WDR12: variants seen among roughly 807,000 people sequenced by gnomAD.
WDR12 encodes the protein ribosome biogenesis protein WDR12.
WDR12 carries 42 observed loss-of-function variants against 64.3 expected under a neutral mutation model. The observed-to-expected ratio is 0.65, with a 90% confidence interval of 0.51 to 0.84. The LOEUF (loss-of-function observed/expected upper bound fraction) is 0.84, where lower values mean the gene tolerates loss of function less well. Ranked by LOEUF, WDR12 falls within the 40% of genes least tolerant of loss-of-function variation. The probability of loss-of-function intolerance (pLI) is 0.00; values close to 1 mark genes in which losing one functional copy is unlikely to be tolerated. For synonymous variants in WDR12, 158 were observed against 173.3 expected (o/e 0.91, Z 0.70); for missense variants, 469 against 494.6 (o/e 0.95, Z 0.49).
chr2:202,906,993 G>C (rs187942739), intron 2 of WDR12, among the ~76,000 whole-genome samples: 2 of 150,386 alleles, frequency 1.3e-5, no homozygotes, highest in Admixed American at 1.3e-4. Context: ...CTATCACCCA[G>C]GCTGGAGTGC....
chr2:202,908,171 A>T (rs1047931438), intron 1 of WDR12, among the ~76,000 whole-genome samples: 36 of 152,366 alleles, frequency 2.4e-4, no homozygotes, highest in African/African-American at 8.4e-4. Flanking sequence ...ATATAAGAAC[A>T]ATGCCATTAG....
chr2:202,880,584 T>A lies in WDR12; in HGVS notation c.*276A>T, dbSNP rs1024871587. 1 of 181,682 alleles carries A rather than the reference T, an allele frequency of 5.5e-6. No individual in the cohort carries two copies. Among genetic ancestry groups the A allele is most frequent in the Non-Finnish European group, 1.1e-5 (1 of 88,156 alleles). 11.3% of individuals were successfully genotyped at this position (181,682 alleles called of 1,614,324 possible). A position where few individuals can be genotyped will look rare whatever the true frequency, so the allele number is the denominator to read the frequency against. Reference sequence around the variant, plus strand: ...AAACAAATAAAAATAAAAAAGCAAATCTGAATTCAAACCAATACCTTTAAA... The same window carrying A: ...AAACAAATAAAAATAAAAAAGCAAAACTGAATTCAAACCAATACCTTTAAA... On this transcript the variant is annotated 3_prime_UTR_variant, in exon 13 of 13. Transcript: ENST00000261015.
intron 7 of WDR12, 102 bp from the exon 8 acceptor site, chr2:202,892,804 C>A: frequency 1.3e-6 from 1 of 759,202 alleles, no homozygotes; most frequent in Non-Finnish European, 2.1e-6. Context: ...TCCACGTTAT[C>A]ACACAGTTAG....
At chr2:202,887,231 G>A (rs1688063767) in intron 8 of WDR12, among the ~76,000 whole-genome samples, 1 of 152,044 alleles carries the variant, frequency 6.6e-6, no homozygotes, top group Admixed American at 6.5e-5. Flanking sequence ...CACCATGTTG[G>A]TCAGGCTGGT....
chr2:202,887,837 G>A (rs112448027), intron 8 of WDR12, among the ~76,000 whole-genome samples: 3 of 146,860 alleles, frequency 2.0e-5, no homozygotes, highest in Admixed American at 1.4e-4. Flanking sequence ...GCAGTGAGCC[G>A]AGATTGCGCC....
intron 8 of WDR12, among the ~76,000 whole-genome samples, chr2:202,886,767 CAAAAAAAA>C (rs60735682): frequency 1.3e-5 from 1 of 79,058 alleles, no homozygotes; most frequent in African/African-American, 5.7e-5. Context: ...AACTCCATCT[CAAAAAAAA>C]AAAAAAAAAA....
At position 202,901,106 on chromosome 2, in the gene WDR12, A is replaced by G; in HGVS notation, c.150T>C (p.His50=). The G allele has an allele frequency of 1.9e-6, 3 of 1,594,000 alleles. No homozygotes were observed. Among genetic ancestry groups the G allele is most frequent in the Non-Finnish European group, 2.6e-6 (3 of 1,166,022 alleles). The change falls in exon 3 of 13, where the codon CAT becomes CAC. Residue 50 remains histidine (H), a synonymous_variant. Coordinates refer to ENST00000261015, the MANE Select transcript of WDR12 (RefSeq NM_018256.4). The stretch of plus-strand genomic sequence containing the variant: ...CCTTAATAAGGAAATCAAACTCCAC[A>G]TGTTTGTGGAACTCTGAGGAAAATA... ...LLKDKNEFHK[H]VEFDFLIKGQ...
Position 202,875,770 on chromosome 2 carries a change from CA to C in WDR12, c.*5089del, listed in dbSNP as rs1445660146. On this transcript the variant is annotated 3_prime_UTR_variant, in exon 13 of 13. Coordinates refer to ENST00000261015, the MANE Select transcript of WDR12 (RefSeq NM_018256.4). ...ATAAAAACATCATTCTTGTGCACGA[CA>C]TAAGATTGACAAAATATATACCAGT... 3 of 152,170 alleles carry C rather than the reference CA, an allele frequency of 2.0e-5. No homozygotes were observed. Among genetic ancestry groups the C allele is most frequent in the Non-Finnish European group, 2.9e-5 (2 of 68,038 alleles). The allele number at this position is 152,170 out of a possible 1,614,324, so 9.4% of individuals were successfully genotyped here. A position where few individuals can be genotyped will look rare whatever the true frequency, so the allele number is the denominator to read the frequency against.
At position 202,876,971 on chromosome 2, in the gene WDR12, A is replaced by T. The variant is rs995628551; in HGVS notation, c.*3889T>A. The T allele has an allele frequency of 6.6e-6, 1 of 152,166 alleles. No homozygotes were observed. The highest frequency in any genetic ancestry group is 2.4e-5 in the African/African-American group (1 of 41,442). The allele number at this position is 152,166 out of a possible 1,614,324, so 9.4% of individuals were successfully genotyped here. A position where few individuals can be genotyped will look rare whatever the true frequency, so the allele number is the denominator to read the frequency against. On this transcript the variant is annotated 3_prime_UTR_variant, in exon 13 of 13. Transcript: ENST00000261015. ...AATAAAAACTAGTATCTTTCAAAAA[A>T]TTTAATATTTTCCTTATATTTGTTA...
chr2:202,907,587 A>G (rs78156498), intron 2 of WDR12, among the ~76,000 whole-genome samples: 5,859 of 152,238 alleles, frequency 0.038, 364 homozygotes, highest in African/African-American at 0.13. Context: ...GATTACCTCT[A>G]TATTACAACT....
chr2:202,890,847 G>A (rs528990713), intron 8 of WDR12, among the ~76,000 whole-genome samples: 51 of 150,150 alleles, frequency 3.4e-4, no homozygotes, highest in Non-Finnish European at 6.4e-4. Flanking sequence ...AGAAAAAATT[G>A]GCAGAGCATG....
chr2:202,911,131 ACT>A (rs1406013321), intron 1 of WDR12, among the ~76,000 whole-genome samples: 3 of 152,164 alleles, frequency 2.0e-5, no homozygotes, highest in African/African-American at 7.2e-5. Flanking sequence ...ATTTTCAAAA[ACT>A]TTTTTTCCGT....
At chr2:202,910,454 CAG>C (rs1688559082) in intron 1 of WDR12, among the ~76,000 whole-genome samples, 1 of 152,042 alleles carries the variant, frequency 6.6e-6, no homozygotes, top group South Asian at 2.1e-4. Flanking sequence ...ACCCGGGAGA[CAG>C]AGGTTACAGT....
chr2:202,884,593 A>G (rs1688016053), intron 8 of WDR12, 58 bp from the exon 9 acceptor site: 3 of 1,525,358 alleles, frequency 2.0e-6, no homozygotes, highest in Admixed American at 2.2e-5. Flanking sequence ...AATTGAAACA[A>G]TAATAGTACT....
chr2:202,908,203 A>G (rs1688497623), intron 1 of WDR12, among the ~76,000 whole-genome samples: 1 of 152,216 alleles, frequency 6.6e-6, no homozygotes, highest in Non-Finnish European at 1.5e-5. Context: ...AAAAAGAACA[A>G]AGACACCATA....
In WDR12 at chr2:202,886,668, G is replaced by A. The variant is rs907977727; in HGVS notation, c.742-2133C>T. 3.4e-5 allele frequency among the ~76,000 whole-genome samples: 5 copies of A among 149,234 alleles called. No homozygotes were observed. In the South Asian group the frequency reaches 1.1e-3, roughly 32 times the overall value. ...TGTCATCCCAGCTACTCAGGAGGCT[G>A]AGGCAGGAGAATCGCTTGAACCCAG... On this transcript the variant is annotated intron_variant, in intron 8 of 12. Transcript: ENST00000261015.
At chr2:202,905,068 T>C (rs561075062) in intron 2 of WDR12, among the ~76,000 whole-genome samples, 27 of 152,162 alleles carry the variant, frequency 1.8e-4, no homozygotes, top group Non-Finnish European at 2.1e-4. Flanking sequence ...AATGAAAGGG[T>C]GCTCACCATC....
intron 2 of WDR12, among the ~76,000 whole-genome samples, chr2:202,905,023 A>G (rs1004365584): frequency 3.3e-5 from 5 of 152,362 alleles, no homozygotes; most frequent in Admixed American, 6.5e-5. Flanking sequence ...TTGAACATAC[A>G]TTTCTCAAAA....
chr2:202,896,196 T>C lies in WDR12; in HGVS notation c.478A>G (p.Ser160Gly). 1.2e-6 allele frequency: 2 copies of C among 1,613,748 alleles called. No individual in the cohort carries two copies. The highest frequency in any genetic ancestry group is 1.7e-6 in the Non-Finnish European group (2 of 1,179,912). ...AGAATAGTCTGATCCATAGAAGCAC[T>C]CAATAATAAGCAGGACAAACTATCT... The part of the protein sequence containing the change: ...KKDSLSCLLL[S>G]ASMDQTILLW... Residue 160 changes from serine (S) to glycine (G), a missense_variant, in exon 6 of 13, where the codon AGT becomes GGT. Physicochemically the swap from Ser to Gly is moderately conservative, Grantham distance 56. Transcript: ENST00000261015.
Sources: gnomAD v4.1 joint callset for allele counts (sites outside exome capture counted in the v4.1 genomes callset) on GRCh38, gnomAD v4.1.1 for gene constraint, MANE v1.5 for transcripts, NCBI Gene and HGNC (gene_info 2026-07-23, HGNC 2026-07-21) for gene names.